Variants in CLRN1 observed in about 807,000 individuals in gnomAD.
CLRN1 encodes the protein clarin 1, also known as clarin-1.
A neutral mutation model predicts 18.7 loss-of-function variants in CLRN1; 15 were observed. The observed-to-expected ratio is 0.80, with a 90% CI of 0.54 to 1.23. The LOEUF is 1.23. Ranked by LOEUF, CLRN1 falls within the 50% of genes most tolerant of loss-of-function variation. CLRN1 has a pLI of 0.00. For synonymous variants in CLRN1, 104 were observed against 102.9 expected (o/e 1.01, Z -0.07); for missense variants, 311 against 277.5 (o/e 1.12, Z -0.86).
At chr3:150,969,680 T>C (rs1244811236) in intron 1 of CLRN1, among the ~76,000 whole-genome samples, 1 of 152,120 alleles carries the variant, frequency 6.6e-6, no homozygotes, top group Admixed American at 6.6e-5. Context: ...CATTTAGGTA[T>C]GCAAAATAGT....
chr3:150,926,773 T>G lies in CLRN1; in HGVS notation c.*1163A>C. The G allele has an allele frequency of 6.2e-7, 1 of 1,613,324 alleles. No homozygotes were observed. The highest frequency in any genetic ancestry group is 8.5e-7 in the Non-Finnish European group (1 of 1,179,656). On this transcript the variant is annotated 3_prime_UTR_variant, in exon 3 of 3. Coordinates refer to ENST00000327047, the MANE Select transcript of CLRN1 (RefSeq NM_174878.3). The stretch of plus-strand genomic sequence containing the variant: ...TGTGGTCAGAGGCCTAGTGATCTGT[T>G]TGCTGTCATTCTCTGCTTTTTCCTT...
In CLRN1 at chr3:150,942,111, T is replaced by A. The variant is rs557047929; in HGVS notation, c.254-350A>T. 4.6e-5 allele frequency among the ~76,000 whole-genome samples: 7 copies of A among 152,252 alleles called. No homozygotes were observed. In the East Asian group the frequency reaches 9.6e-4, roughly 21 times the overall value. On this transcript the variant is annotated intron_variant, in intron 1 of 2. Coordinates refer to ENST00000327047, the MANE Select transcript of CLRN1 (RefSeq NM_174878.3). ...CTTTCTCGGTAGTCATTTAAAAAAATTTATCTTAACTTGCAATGATATTTT... is the reference window on the plus strand; with the variant it reads ...CTTTCTCGGTAGTCATTTAAAAAAAATTATCTTAACTTGCAATGATATTTT...
chr3:150,926,563 A>C (rs1712801377), downstream of CLRN1: 1 of 586,038 alleles, frequency 1.7e-6, no homozygotes, highest in African/African-American at 1.9e-5. Flanking sequence ...TAAGGGGAAA[A>C]ACCAGCATCT....
At chr3:150,949,742 A>G (rs1714386223) in intron 1 of CLRN1, among the ~76,000 whole-genome samples, 1 of 152,248 alleles carries the variant, frequency 6.6e-6, no homozygotes, top group Non-Finnish European at 1.5e-5. Context: ...GATAGGAAGA[A>G]TCAATATCAT....
At chr3:150,931,043 G>A (rs975840316) in intron 2 of CLRN1, among the ~76,000 whole-genome samples, 2 of 152,218 alleles carry the variant, frequency 1.3e-5, no homozygotes, top group African/African-American at 4.8e-5. Flanking sequence ...TTCAGGGACA[G>A]AGGATAGAAA....
At chr3:150,952,948 TC>T (rs1246441236) in intron 1 of CLRN1, among the ~76,000 whole-genome samples, 12 of 152,334 alleles carry the variant, frequency 7.9e-5, no homozygotes, top group African/African-American at 2.9e-4. Context: ...TTCTTCTTCT[TC>T]TTCTTTTAAT....
intron 1 of CLRN1, among the ~76,000 whole-genome samples, chr3:150,946,358 A>G (rs1351778223): frequency 4.6e-5 from 7 of 152,334 alleles, no homozygotes; most frequent in South Asian, 2.1e-4. Context: ...ATTTGAATTC[A>G]TGTTCTCACT....
intron 2 of CLRN1, among the ~76,000 whole-genome samples, chr3:150,930,199 A>G (rs1313744364): frequency 2.0e-5 from 3 of 152,188 alleles, no homozygotes; most frequent in African/African-American, 7.2e-5. Context: ...GTTCCTTAGA[A>G]GTAGCCAGAA....
At chr3:150,969,106 G>A (rs75500182) in intron 1 of CLRN1, among the ~76,000 whole-genome samples, 6,068 of 147,092 alleles carry the variant, frequency 0.041, 192 homozygotes, top group East Asian at 0.15. Context: ...CCAAGACAGC[G>A]TCAAGAAAAA....
At chr3:150,954,228 G>T (rs1283005690) in intron 1 of CLRN1, among the ~76,000 whole-genome samples, 3 of 152,188 alleles carry the variant, frequency 2.0e-5, no homozygotes, top group Admixed American at 6.5e-5. Context: ...TTCCAAAGTG[G>T]CTGTACCATT....
At chr3:150,944,051 G>A in intron 1 of CLRN1, 1 of 846,108 alleles carries the variant, frequency 1.2e-6, no homozygotes, top group East Asian at 2.8e-5. Flanking sequence ...ATAAAATAGG[G>A]TAATGGGATT....
At chr3:150,943,214 T>C (rs2107954167) in intron 1 of CLRN1, among the ~76,000 whole-genome samples, 1 of 152,334 alleles carries the variant, frequency 6.6e-6, no homozygotes, top group South Asian at 2.1e-4. Flanking sequence ...AAAACCTCAC[T>C]TTTGAGCTGA....
rs558593331 is a variant in CLRN1 at position 150,969,816 on chromosome 3, CA to C, written c.253+2639del. On this transcript the variant is annotated intron_variant, in intron 1 of 2. Transcript: ENST00000327047. The stretch of plus-strand genomic sequence containing the variant: ...TGAAACCCTGTCTTTACTAAAAATA[CA>C]AAAAAAAAATTAGCTGGGCATGGTG... Among the ~76,000 whole-genome samples, 105 of 148,094 alleles carry C rather than the reference CA, an allele frequency of 7.1e-4. 1 individual carries two copies. The highest frequency in any genetic ancestry group is 6.4e-3 in the South Asian group (30 of 4,672).
chr3:150,957,092 T>C (rs1714775893), intron 1 of CLRN1, among the ~76,000 whole-genome samples: 1 of 152,146 alleles, frequency 6.6e-6, no homozygotes, highest in South Asian at 2.1e-4. Context: ...GGCTGGCCCT[T>C]CTCCCTGTGC....
chr3:150,935,846 G>A (rs1427529810), intron 2 of CLRN1, among the ~76,000 whole-genome samples: 2 of 131,110 alleles, frequency 1.5e-5, no homozygotes, highest in African/African-American at 5.4e-5. Context: ...TTGAACTGGT[G>A]TGAGATGGTA....
At position 150,928,077 on chromosome 3, in the gene CLRN1, G is replaced by A. The variant is rs1712925803; in HGVS notation, c.558C>T (p.Thr186=). Residue 186 remains threonine, a synonymous_variant, in exon 3 of 3, where the codon ACC becomes ACT. Transcript: ENST00000327047. ...YVYKTQSEKY[T]TSFWVIFFCF... Reference sequence around the variant, plus strand: ...AAAAGAAAATGACCCAGAATGAGGTGGTATATTTTTCACTTTGCGTTTTGT... The same window carrying A: ...AAAAGAAAATGACCCAGAATGAGGTAGTATATTTTTCACTTTGCGTTTTGT... The A allele has an allele frequency of 6.2e-7, 1 of 1,613,804 alleles. No individual in the cohort carries two copies. The highest frequency in any genetic ancestry group is 8.5e-7 in the Non-Finnish European group (1 of 1,179,946).
Position 150,928,012 on chromosome 3 carries a change from A to G in CLRN1, c.623T>C (p.Leu208Pro). The G allele has an allele frequency of 6.2e-7, 1 of 1,614,204 alleles. No individual in the cohort carries two copies. Among genetic ancestry groups the G allele is most frequent in the East Asian group, 2.2e-5 (1 of 44,882 alleles). ...VHFLNGLLIR[L>P]AGFQFPFAKS... is the part of the protein sequence containing the mutation. ...TGCAAAAGGGAACTGAAATCCAGCA[A>G]GTCGTATTAGGAGCCCATTCAGAAA... Residue 208 changes from leucine (L) to proline (P), a missense_variant, in exon 3 of 3, where the codon CTT (leucine) becomes CCT (proline). By Grantham distance (98) the Leu-to-Pro change is moderately conservative (BLOSUM62 -3). Coordinates refer to ENST00000327047, the MANE Select transcript of CLRN1 (RefSeq NM_174878.3).
At chr3:150,926,421 C>T, downstream of CLRN1, 1 of 335,624 alleles carries the variant, frequency 3.0e-6, no homozygotes, top group South Asian at 2.5e-5. Context: ...ATTTCCAGTG[C>T]TTTTGTACTG....
In CLRN1 at chr3:150,926,949, G is replaced by A. The variant is rs1214280773; in HGVS notation, c.*987C>T. The A allele has an allele frequency of 1.2e-6, 2 of 1,610,990 alleles. No individual in the cohort carries two copies. The highest frequency in any genetic ancestry group is 2.7e-5 in the African/African-American group (2 of 74,876). On this transcript the variant is annotated 3_prime_UTR_variant, in exon 3 of 3. Transcript: ENST00000327047. ...TCATGCTTGGTGACAGCCAGAACAA[G>A]ACCAAGATGATACAGTGATACCGTC...
Sources: allele counts gnomAD v4.1 joint callset (sites outside exome capture counted in the v4.1 genomes callset), GRCh38; gene constraint gnomAD v4.1.1; transcripts MANE v1.5; gene names NCBI Gene and HGNC (gene_info 2026-07-23, HGNC 2026-07-21).